COBLL1: variants seen among roughly 807,000 people sequenced by gnomAD.
The protein encoded by COBLL1 is cordon-bleu protein-like 1.
COBLL1 carries 50 observed loss-of-function variants against 94.8 expected under a neutral mutation model. The ratio of observed to expected loss-of-function variants is 0.53; its 90% confidence interval spans 0.42 to 0.67. The LOEUF (loss-of-function observed/expected upper bound fraction) is 0.67. Among genes scored for constraint, COBLL1 ranks in the 30% least tolerant of loss-of-function variants. COBLL1 has a pLI of 0.00. For missense variants in COBLL1, 1,362 were observed against 1,348.7 expected, an observed-to-expected ratio of 1.01 and a Z score of -0.15; for synonymous variants, 448 against 473.8, an observed-to-expected ratio of 0.95 and a Z score of 0.71.
At chr2:164,808,211 A>G (rs936275700) in intron 2 of COBLL1, among the ~76,000 whole-genome samples, 1 of 152,194 alleles carries the variant, frequency 6.6e-6, no homozygotes, top group Non-Finnish European at 1.5e-5. Flanking sequence ...TTCTGACCCA[A>G]TCTGTAATTA....
At chr2:164,669,664 G>A (rs1304228423) in intron 1 of COBLL1, among the ~76,000 whole-genome samples, 1 of 152,190 alleles carries the variant, frequency 6.6e-6, no homozygotes, top group African/African-American at 2.4e-5. Context: ...CTTTCTAAAA[G>A]GATAGGCCAT....
intron 7 of COBLL1, among the ~76,000 whole-genome samples, chr2:164,709,434 T>A (rs1684768779): frequency 6.6e-6 from 1 of 152,106 alleles, no homozygotes; most frequent in Non-Finnish European, 1.5e-5. Context: ...AAAAAAGACA[T>A]TGGCTGGGTG....
chr2:164,695,946 A>G, intron 11 of COBLL1, 110 bp from the exon 12 acceptor site: 1 of 832,660 alleles, frequency 1.2e-6, no homozygotes, highest in Non-Finnish European at 1.8e-6. Context: ...TCTACAGATA[A>G]TTTTCAACTC....
chr2:164,676,688 TC>T (rs199604109), downstream of COBLL1, among the ~76,000 whole-genome samples: 270 of 149,494 alleles, frequency 1.8e-3, no homozygotes, highest in African/African-American at 6.4e-3. Context: ...TTTTTTTTTT[TC>T]CCCCCCTTTT....
At position 164,804,202 on chromosome 2, in the gene COBLL1, A is replaced by C. The variant is rs187965203; in HGVS notation, c.41+36954T>G. On this transcript the variant is annotated intron_variant, in intron 2 of 13. Coordinates refer to ENST00000652658, the MANE Select transcript of COBLL1 (RefSeq NM_001365672.2). ...GCTTTTCTTGGTGCTAATATGAAAA[A>C]TGGTTTGGAGGAAAGTAAGACCAGA... 1.3e-3 allele frequency among the ~76,000 whole-genome samples: 195 copies of C among 152,180 alleles called. 2 individuals carry two copies. The highest frequency in any genetic ancestry group is 2.4e-3 in the Non-Finnish European group (164 of 67,992).
intron 13 of COBLL1, among the ~76,000 whole-genome samples, chr2:164,689,511 AT>A (rs1683479948): frequency 6.6e-6 from 1 of 152,158 alleles, no homozygotes; most frequent in African/African-American, 2.4e-5. Context: ...ATCACAAGAA[AT>A]TAAGAGCCTG....
rs141586460 is a variant in COBLL1 at position 164,661,554 on chromosome 2, T to G, written n.181+4293A>C. The stretch of plus-strand genomic sequence containing the variant: ...CACATAAATTAAACATGATGTAATT[T>G]AGTGGTGGATTAAGCAATGTTCCAC... On this transcript the variant is annotated intron_variant and non_coding_transcript_variant, in intron 2 of 2. Transcript: ENST00000495084. Among the ~76,000 whole-genome samples, 1,410 of 152,244 alleles carry G rather than the reference T, an allele frequency of 9.3e-3. 10 individuals are homozygous for G. The highest frequency in any genetic ancestry group is 0.027 in the African/African-American group (1,137 of 41,558).
intron 13 of COBLL1, among the ~76,000 whole-genome samples, chr2:164,686,700 T>C (rs1683313239): frequency 6.6e-6 from 1 of 152,140 alleles, no homozygotes; most frequent in African/African-American, 2.4e-5. Flanking sequence ...AAACAAGAAT[T>C]TTCTACATAG....
chr2:164,767,326 A>G (rs1360574448), intron 2 of COBLL1, among the ~76,000 whole-genome samples: 4 of 152,222 alleles, frequency 2.6e-5, no homozygotes, highest in Non-Finnish European at 5.9e-5. Flanking sequence ...CTTATGGAAA[A>G]TAGTTTAGGA....
intron 13 of COBLL1, among the ~76,000 whole-genome samples, chr2:164,690,503 C>G (rs1436131847): frequency 6.6e-6 from 1 of 152,204 alleles, no homozygotes; most frequent in Non-Finnish European, 1.5e-5. Flanking sequence ...ACTGCCAAGT[C>G]AGGGTCCATA....
intron 2 of COBLL1, among the ~76,000 whole-genome samples, chr2:164,794,925 A>G (rs937447203): frequency 6.6e-6 from 1 of 152,228 alleles, no homozygotes. Context: ...GTATTAAGAA[A>G]AGCAAAGAAA....
At chr2:164,753,554 C>A (rs1475564443) in intron 2 of COBLL1, among the ~76,000 whole-genome samples, 2 of 152,106 alleles carry the variant, frequency 1.3e-5, no homozygotes, top group Non-Finnish European at 2.9e-5. Context: ...TCTTTTGCAG[C>A]AAAACTTCTA....
At chr2:164,780,232 T>C (rs545503813) in intron 2 of COBLL1, among the ~76,000 whole-genome samples, 295 of 152,222 alleles carry the variant, frequency 1.9e-3, no homozygotes, top group Non-Finnish European at 3.5e-3. Context: ...AAGGGGACTG[T>C]TGTAACCAAA....
chr2:164,805,685 A>G (rs1684119427), intron 2 of COBLL1, among the ~76,000 whole-genome samples: 1 of 151,998 alleles, frequency 6.6e-6, no homozygotes, highest in Non-Finnish European at 1.5e-5. Context: ...TTTATCGTGA[A>G]TATTTCATTG....
chr2:164,840,330 T>C (rs1173389012), intron 2 of COBLL1, among the ~76,000 whole-genome samples: 2 of 152,120 alleles, frequency 1.3e-5, no homozygotes, highest in Admixed American at 1.3e-4. Flanking sequence ...GTTTCCTACT[T>C]GAGAAACTCA....
intron 2 of COBLL1, among the ~76,000 whole-genome samples, chr2:164,659,611 T>G (rs1691037976): frequency 6.6e-6 from 1 of 152,108 alleles, no homozygotes; most frequent in African/African-American, 2.4e-5. Context: ...TTATTGTAAC[T>G]CCATTTTCTA....
chr2:164,692,114 T>C, intron 13 of COBLL1, 107 bp downstream of exon 13: 2 of 954,874 alleles, frequency 2.1e-6, no homozygotes, highest in Non-Finnish European at 3.0e-6. Flanking sequence ...AAGAGTAACT[T>C]TGGGAACCCT....
At chr2:164,749,896 C>T (rs1181149094) in intron 2 of COBLL1, among the ~76,000 whole-genome samples, 3 of 152,154 alleles carry the variant, frequency 2.0e-5, no homozygotes, top group Non-Finnish European at 2.9e-5. Context: ...TTCACAGCCA[C>T]TCAAGTCCTC....
Position 164,722,229 on chromosome 2 carries a change from A to G in COBLL1, c.842T>C (p.Ile281Thr). Residue 281 changes from isoleucine to threonine, a missense_variant, in exon 7 of 14, where the codon ATT becomes ACT. Coordinates refer to ENST00000652658, the MANE Select transcript of COBLL1 (RefSeq NM_001365672.2). ...TRSNTISKPY[I>T]SNTLPSDAPK... ...TGCATCCGACGGCAGGGTGTTGGAA[A>G]TATATGGTTTGGAAATGGTATTGGA... is the stretch of plus-strand genomic sequence containing the variant. 3 of 1,614,050 alleles carry G rather than the reference A, an allele frequency of 1.9e-6. No homozygotes were observed. Among genetic ancestry groups the G allele is most frequent in the Non-Finnish European group, 2.5e-6 (3 of 1,179,994 alleles).
Sources: gnomAD v4.1 joint callset for allele counts (sites outside exome capture counted in the v4.1 genomes callset) on GRCh38, gnomAD v4.1.1 for gene constraint, MANE v1.5 for transcripts, NCBI Gene and HGNC (gene_info 2026-07-23, HGNC 2026-07-21) for gene names.